The following CSTPP1 variants were observed in gnomAD, a reference collection of about 807,000 sequenced individuals.
The protein encoded by CSTPP1 is UPF0705 protein C11orf49.
At chr11:47,081,511 A>G in the CSTPP1 span, among the ~76,000 whole-genome samples, 3 of 152,328 alleles carry the variant, frequency 2.0e-5, no homozygotes, top group East Asian at 1.9e-4. Context: ...CACACTGCCA[A>G]TAAGTGGCAG....
chr11:47,119,831 G>C, the CSTPP1 span, among the ~76,000 whole-genome samples: 5 of 151,874 alleles, frequency 3.3e-5, no homozygotes, highest in Non-Finnish European at 7.4e-5. Context: ...GGCTGGTCTC[G>C]AACTCCTGAC....
At chr11:47,117,970 C>T in the CSTPP1 span, among the ~76,000 whole-genome samples, 1 of 151,242 alleles carries the variant, frequency 6.6e-6, no homozygotes, top group Non-Finnish European at 1.5e-5. Context: ...ACCTCCGCCT[C>T]CCAGGTTCAA....
chr11:47,013,462 A>C, the CSTPP1 span, among the ~76,000 whole-genome samples: 1 of 152,072 alleles, frequency 6.6e-6, no homozygotes, highest in Non-Finnish European at 1.5e-5. Flanking sequence ...ATGTTTTCTC[A>C]CTGTTCATCT....
At chr11:46,968,245 AAAG>A in the CSTPP1 span, among the ~76,000 whole-genome samples, 3 of 151,432 alleles carry the variant, frequency 2.0e-5, no homozygotes, top group Admixed American at 6.6e-5. Context: ...AGTTGAAATC[AAAG>A]GCCTTCTATA....
the CSTPP1 span, chr11:47,160,350 C>T: frequency 6.7e-6 from 1 of 150,104 alleles, no homozygotes; most frequent in Non-Finnish European, 1.5e-5. Flanking sequence ...TTTTACTGCA[C>T]ACTAACATTG....
the CSTPP1 span, among the ~76,000 whole-genome samples, chr11:47,063,844 AG>A: frequency 2.6e-5 from 4 of 152,186 alleles, no homozygotes; most frequent in Non-Finnish European, 5.9e-5. Context: ...CATAACTAGA[AG>A]TGGGATTACT....
chr11:47,044,170 G>A, the CSTPP1 span, among the ~76,000 whole-genome samples: 3 of 151,952 alleles, frequency 2.0e-5, no homozygotes, highest in Non-Finnish European at 2.9e-5. Flanking sequence ...TGTGTTTTTA[G>A]TAGAGACAGG....
At chr11:46,971,921 A>G in the CSTPP1 span, among the ~76,000 whole-genome samples, 24,507 of 152,160 alleles carry the variant, frequency 0.16, 6,656 homozygotes, top group African/African-American at 0.56. Flanking sequence ...GCACTTCAGC[A>G]AGCAACACAG....
the CSTPP1 span, among the ~76,000 whole-genome samples, chr11:47,040,169 C>T: frequency 1.6e-5 from 2 of 128,258 alleles, 1 homozygote; most frequent in Non-Finnish European, 3.7e-5. Context: ...GAGAGGAACT[C>T]AGCATCACCT....
chr11:46,946,997 A>T, the CSTPP1 span, among the ~76,000 whole-genome samples: 1 of 152,198 alleles, frequency 6.6e-6, no homozygotes, highest in South Asian at 2.1e-4. Flanking sequence ...GAGAGAAACT[A>T]TGTTTTTCCC....
At chr11:46,966,389 A>G in the CSTPP1 span, among the ~76,000 whole-genome samples, 2 of 152,284 alleles carry the variant, frequency 1.3e-5, no homozygotes, top group South Asian at 2.1e-4. Context: ...TGGATGAAGT[A>G]TGTTTTCCTC....
At chr11:46,966,306 G>T in the CSTPP1 span, among the ~76,000 whole-genome samples, 2 of 152,196 alleles carry the variant, frequency 1.3e-5, no homozygotes, top group Non-Finnish European at 2.9e-5. Context: ...CTCCCAAAGT[G>T]TTGGGATTAC....
At chr11:46,948,230 T>A in the CSTPP1 span, 1 of 446,210 alleles carries the variant, frequency 2.2e-6, no homozygotes, top group East Asian at 7.0e-5. Context: ...TGGGCTGGCC[T>A]CCTTTCTCTC....
chr11:47,072,309 A>T, the CSTPP1 span, among the ~76,000 whole-genome samples: 5 of 152,246 alleles, frequency 3.3e-5, no homozygotes, highest in Non-Finnish European at 7.3e-5. Flanking sequence ...GAAGGAACTT[A>T]GTAGGTTGCA....
the CSTPP1 span, among the ~76,000 whole-genome samples, chr11:47,131,522 C>A: frequency 6.6e-6 from 1 of 152,238 alleles, no homozygotes; most frequent in Non-Finnish European, 1.5e-5. Flanking sequence ...GTAAATTCAT[C>A]TAACACTCTC....
chr11:47,015,833 T>G, the CSTPP1 span, among the ~76,000 whole-genome samples: 1 of 151,576 alleles, frequency 6.6e-6, no homozygotes, highest in East Asian at 1.9e-4. Context: ...TAAAAATCAA[T>G]GTAAACTTAA....
chr11:46,970,779 C>T, the CSTPP1 span, among the ~76,000 whole-genome samples: 4 of 152,046 alleles, frequency 2.6e-5, no homozygotes, highest in East Asian at 5.8e-4. Context: ...ATTTATGTTA[C>T]AGTCCTGTCA....
the CSTPP1 span, chr11:47,137,761 G>A: frequency 6.3e-7 from 1 of 1,597,322 alleles, no homozygotes; most frequent in African/African-American, 1.3e-5. Flanking sequence ...AACCAACTCA[G>A]CTCTCTGTGG....
the CSTPP1 span, among the ~76,000 whole-genome samples, chr11:47,016,390 C>CAAAAAAAAAAAAAAAA: frequency 2.2e-4 from 28 of 125,796 alleles, 1 homozygote; most frequent in Non-Finnish European, 3.8e-4. Context: ...ATGGAATCTA[C>CAAAAAAAAAAAAAAAA]AAAAAACAAA....
Sources: gnomAD v4.1 joint callset for allele counts (sites outside exome capture counted in the v4.1 genomes callset) on GRCh38, gnomAD v4.1.1 for gene constraint, MANE v1.5 for transcripts, NCBI Gene and HGNC (gene_info 2026-07-23, HGNC 2026-07-21) for gene names.